The following MUC7 variants were observed in gnomAD, a reference collection of about 807,000 sequenced individuals.
The protein encoded by MUC7 is mucin 7, secreted, also known as mucin-7.
Under a neutral mutation model 2.5 loss-of-function variants are expected in MUC7, and 2 were observed. The observed-to-expected ratio is 0.81, with a 90% CI of 0.33 to 2.55. The LOEUF (loss-of-function observed/expected upper bound fraction) is 2.55, where lower values mean the gene tolerates loss of function less well. Ranked by LOEUF, MUC7 falls within the 30% of genes most tolerant of loss-of-function variation. The pLI is 0.11. For synonymous variants in MUC7, 133 were observed against 173.4 expected (o/e 0.77, Z 1.83); for missense variants, 408 against 455.6 (o/e 0.90, Z 0.95).
Position 70,474,682 on chromosome 4 carries a change from A to T in MUC7, c.54+607A>T, listed in dbSNP as rs1577914786. The stretch of plus-strand genomic sequence containing the variant: ...TGTGATGAGAACTGACACAGATGAA[A>T]ACCCAGGTTTGTAAGGCCTTTAGGT... On this transcript the variant is annotated intron_variant, in intron 2 of 2. Coordinates refer to ENST00000304887, the MANE Select transcript of MUC7 (RefSeq NM_152291.3). Among the ~76,000 whole-genome samples, 5 of 152,212 alleles carry T rather than the reference A, an allele frequency of 3.3e-5. No homozygotes were observed. In the South Asian group the frequency reaches 8.3e-4, roughly 25 times the overall value.
At chr4:70,455,262 TG>T (rs1432921676) in intron 1 of MUC7, among the ~76,000 whole-genome samples, 1 of 152,218 alleles carries the variant, frequency 6.6e-6, no homozygotes, top group Non-Finnish European at 1.5e-5. Context: ...CACCGGCCCC[TG>T]GGTCTGTCAG....
At chr4:70,436,663 G>A (rs1477449096) in intron 1 of MUC7, among the ~76,000 whole-genome samples, 1 of 152,120 alleles carries the variant, frequency 6.6e-6, no homozygotes, top group Non-Finnish European at 1.5e-5. Flanking sequence ...GCTCAGAGAA[G>A]TTTGTTATTA....
chr4:70,478,879 T>C (rs1300089025), intron 2 of MUC7, among the ~76,000 whole-genome samples: 4 of 152,264 alleles, frequency 2.6e-5, no homozygotes, highest in Non-Finnish European at 5.9e-5. Context: ...TCTGAAAACC[T>C]ATGCCCTTTT....
At chr4:70,465,243 A>C (rs1734653004) in intron 1 of MUC7, among the ~76,000 whole-genome samples, 1 of 152,210 alleles carries the variant, frequency 6.6e-6, no homozygotes, top group South Asian at 2.1e-4. Flanking sequence ...ACCCCATCTG[A>C]AGGTCACCAA....
intron 1 of MUC7, among the ~76,000 whole-genome samples, chr4:70,460,939 A>G (rs1354739419): frequency 6.6e-6 from 1 of 152,180 alleles, no homozygotes; most frequent in Admixed American, 6.5e-5. Flanking sequence ...GCCCTCATGG[A>G]GTCTCCAGAT....
At chr4:70,466,460 C>T (rs911808658) in intron 1 of MUC7, among the ~76,000 whole-genome samples, 2 of 152,102 alleles carry the variant, frequency 1.3e-5, no homozygotes, top group African/African-American at 2.4e-5. Flanking sequence ...AAGACACAGA[C>T]TGGCAAATTG....
intron 1 of MUC7, among the ~76,000 whole-genome samples, chr4:70,461,055 C>A (rs1734545106): frequency 6.6e-6 from 1 of 152,134 alleles, no homozygotes; most frequent in Admixed American, 6.5e-5. Context: ...TCTAACTTAC[C>A]CTTTGCTCTC....
intron 2 of MUC7, among the ~76,000 whole-genome samples, chr4:70,477,558 CT>C (rs1438067095): frequency 6.6e-6 from 1 of 152,150 alleles, no homozygotes; most frequent in African/African-American, 2.4e-5. Context: ...ACCCTCCTTT[CT>C]TGCTGCAAGT....
intron 1 of MUC7, among the ~76,000 whole-genome samples, chr4:70,457,229 G>A (rs371853472): frequency 9.8e-5 from 15 of 152,300 alleles, no homozygotes; most frequent in East Asian, 3.9e-4. Flanking sequence ...GACTGCTTGA[G>A]GCAAGAAGTT....
At chr4:70,471,233 A>G (rs1334247342), upstream of MUC7, among the ~76,000 whole-genome samples, 3 of 152,186 alleles carry the variant, frequency 2.0e-5, no homozygotes, top group Non-Finnish European at 2.9e-5. Context: ...CTTTTTAAAA[A>G]TAAATATTTA....
At chr4:70,459,003 T>C (rs948602582) in intron 1 of MUC7, among the ~76,000 whole-genome samples, 5 of 152,146 alleles carry the variant, frequency 3.3e-5, no homozygotes, top group Non-Finnish European at 7.4e-5. Context: ...TAAAACTATA[T>C]GTACTTAACT....
intron 1 of MUC7, among the ~76,000 whole-genome samples, chr4:70,472,504 T>A (rs1260579081): frequency 1.3e-5 from 2 of 152,154 alleles, no homozygotes; most frequent in African/African-American, 4.8e-5. Context: ...AAAACAAATC[T>A]GACAATATAT....
At chr4:70,436,593 C>T (rs920895400) in intron 1 of MUC7, among the ~76,000 whole-genome samples, 1 of 152,164 alleles carries the variant, frequency 6.6e-6, no homozygotes, top group Admixed American at 6.5e-5. Context: ...GTTAGCCATT[C>T]GTCTAACCTT....
At chr4:70,450,510 C>G (rs1734254321) in intron 1 of MUC7, among the ~76,000 whole-genome samples, 2 of 152,162 alleles carry the variant, frequency 1.3e-5, no homozygotes, top group African/African-American at 4.8e-5. Flanking sequence ...TTTTCTTAAG[C>G]AGGAGTTTTT....
chr4:70,434,801 G>A (rs1399652075), intron 1 of MUC7, among the ~76,000 whole-genome samples: 1 of 151,886 alleles, frequency 6.6e-6, no homozygotes, highest in South Asian at 2.1e-4. Flanking sequence ...GTGATGTGAG[G>A]GTGTCGATTT....
chr4:70,435,930 G>A (rs1413372148), intron 1 of MUC7, among the ~76,000 whole-genome samples: 1 of 152,162 alleles, frequency 6.6e-6, no homozygotes, highest in East Asian at 1.9e-4. Flanking sequence ...TTGCTTGTCT[G>A]TAAAGGATTT....
At chr4:70,471,235 A>G (rs2109737334), upstream of MUC7, among the ~76,000 whole-genome samples, 1 of 152,326 alleles carries the variant, frequency 6.6e-6, no homozygotes, top group East Asian at 1.9e-4. Context: ...TTTTAAAAAT[A>G]AATATTTATA....
rs552552222 is a variant in MUC7 at position 70,463,738 on chromosome 4, C to T, written c.-92-8477C>T. On this transcript the variant is annotated intron_variant, in intron 1 of 3. Coordinates refer to the MUC7 transcript ENST00000413702. The stretch of plus-strand genomic sequence containing the variant: ...CATCAGTTTCTAAAACCCCAAGTGG[C>T]TTTAACACCGTAAGAACATTAAAAT... Among the ~76,000 whole-genome samples, 7 of 152,270 alleles carry T rather than the reference C, an allele frequency of 4.6e-5. No individual in the cohort carries two copies. In the South Asian group the frequency reaches 1.5e-3, roughly 32 times the overall value.
intron 1 of MUC7, among the ~76,000 whole-genome samples, chr4:70,442,908 A>G (rs1734043231): frequency 6.6e-6 from 1 of 152,204 alleles, no homozygotes; most frequent in Non-Finnish European, 1.5e-5. Flanking sequence ...TTAGACTTCA[A>G]TCAAATCCAT....
Sources: gnomAD v4.1 joint callset for allele counts (sites outside exome capture counted in the v4.1 genomes callset) on GRCh38, gnomAD v4.1.1 for gene constraint, MANE v1.5 for transcripts, NCBI Gene and HGNC (gene_info 2026-07-23, HGNC 2026-07-21) for gene names.